MCTP1: variants seen among roughly 807,000 people sequenced by gnomAD.
The protein encoded by MCTP1 is multiple C2 and transmembrane domain containing 1, also known as multiple C2 and transmembrane domain-containing protein 1.
MCTP1 carries 69 observed loss-of-function variants against 120.6 expected under a neutral mutation model. The ratio of observed to expected loss-of-function variants is 0.57; its 90% CI spans 0.47 to 0.70. MCTP1 has a LOEUF of 0.70. Among genes scored for constraint, MCTP1 ranks in the 30% least tolerant of loss-of-function variants. The pLI is 0.00. For synonymous variants in MCTP1, 529 were observed against 493.1 expected (o/e 1.07, Z -0.96); for missense variants, 1,203 against 1,248.8 (o/e 0.96, Z 0.55).
chr5:94,870,818 C>T, intron 15 of MCTP1, 54 bp downstream of exon 15: 1 of 1,189,200 alleles, frequency 8.4e-7, no homozygotes, highest in Non-Finnish European at 1.2e-6. Flanking sequence ...GGAACAAAAG[C>T]TTTCATGAAA....
chr5:95,118,012 G>C (rs1411668459), intron 1 of MCTP1, among the ~76,000 whole-genome samples: 1 of 152,154 alleles, frequency 6.6e-6, no homozygotes, highest in African/African-American at 2.4e-5. Flanking sequence ...ACATATGGGG[G>C]CCTGTCAAGG....
At chr5:94,853,569 C>T (rs1007695780) in intron 17 of MCTP1, among the ~76,000 whole-genome samples, 1 of 151,840 alleles carries the variant, frequency 6.6e-6, no homozygotes, top group Non-Finnish European at 1.5e-5. Context: ...GCTCAGAAAA[C>T]CCTTCTGACA....
At chr5:94,974,233 T>C (rs1319513135) in intron 2 of MCTP1, among the ~76,000 whole-genome samples, 1 of 152,194 alleles carries the variant, frequency 6.6e-6, no homozygotes, top group Non-Finnish European at 1.5e-5. Flanking sequence ...ACTAATTATC[T>C]ATTTTTCCTA....
chr5:94,755,486 G>A (rs1176532965), intron 19 of MCTP1, among the ~76,000 whole-genome samples: 1 of 152,154 alleles, frequency 6.6e-6, no homozygotes, highest in Admixed American at 6.5e-5. Context: ...TTTGCCTTCT[G>A]CGTTCTGCTC....
chr5:94,837,628 T>A (rs1372887604), intron 17 of MCTP1, among the ~76,000 whole-genome samples: 1 of 152,186 alleles, frequency 6.6e-6, no homozygotes, highest in African/African-American at 2.4e-5. Context: ...CAACTTAGGT[T>A]AAAAGAGTTG....
chr5:95,140,061 T>C (rs1267464137), intron 1 of MCTP1, among the ~76,000 whole-genome samples: 1 of 152,230 alleles, frequency 6.6e-6, no homozygotes, highest in Non-Finnish European at 1.5e-5. Context: ...CAGCTTGACC[T>C]CTACCTTCCA....
Position 94,948,784 on chromosome 5 carries a change from A to G in MCTP1, c.981+4435T>C, listed in dbSNP as rs149887576. ...TCAGGTCTGATTCAGGTCAAGTGAA[A>G]CTTGGACCTCTAGATTCTTTAAACC... On this transcript the variant is annotated intron_variant, in intron 3 of 22. Coordinates refer to ENST00000515393, the MANE Select transcript of MCTP1 (RefSeq NM_024717.7). Among the ~76,000 whole-genome samples the G allele has an allele frequency of 1.6e-4, 24 of 152,264 alleles. No homozygotes were observed. In the Middle Eastern group the frequency reaches 0.01, roughly 65 times the overall value.
chr5:94,837,152 A>C (rs1453632512), intron 17 of MCTP1, among the ~76,000 whole-genome samples: 2 of 152,134 alleles, frequency 1.3e-5, no homozygotes, highest in Non-Finnish European at 2.9e-5. Context: ...CCAAGGTGGG[A>C]GGATCACTTG....
At chr5:95,099,500 C>T (rs1756544748) in intron 1 of MCTP1, among the ~76,000 whole-genome samples, 1 of 152,056 alleles carries the variant, frequency 6.6e-6, no homozygotes, top group Non-Finnish European at 1.5e-5. Context: ...GATATTTATG[C>T]AGCCAAAAAA....
At chr5:95,123,605 T>C (rs891102666) in intron 1 of MCTP1, among the ~76,000 whole-genome samples, 1 of 152,106 alleles carries the variant, frequency 6.6e-6, no homozygotes, top group African/African-American at 2.4e-5. Flanking sequence ...GCACAAGATA[T>C]ATACTTTGGG....
At chr5:94,779,257 C>T in intron 18 of MCTP1, 94 bp from the exon 19 acceptor site, 1 of 997,514 alleles carries the variant, frequency 1.0e-6, no homozygotes, top group Admixed American at 1.7e-5. Context: ...ACTTTATTAA[C>T]ATTTGAAACA....
At chr5:95,014,257 C>T (rs893591052) in intron 2 of MCTP1, among the ~76,000 whole-genome samples, 1 of 68,352 alleles carries the variant, frequency 1.5e-5, no homozygotes, top group African/African-American at 3.5e-5. Flanking sequence ...TACCATGTCT[C>T]TAAAACAACA....
rs530030726 is a variant in MCTP1, at chr5:94,883,030, C to T, written c.1933+5849G>A. Among the ~76,000 whole-genome samples the T allele has an allele frequency of 3.3e-5, 5 of 152,154 alleles. No individual in the cohort carries two copies. In the South Asian group the frequency reaches 1.0e-3, roughly 32 times the overall value. ...CACTTTTCCTATAATTAGAATTTGG[C>T]TAGGTTTTAAAAATGCAATTACTAA... On this transcript the variant is annotated intron_variant, in intron 12 of 22. Transcript: ENST00000515393.
At chr5:95,101,492 C>T (rs1447226824) in intron 1 of MCTP1, among the ~76,000 whole-genome samples, 3 of 152,190 alleles carry the variant, frequency 2.0e-5, no homozygotes, top group Non-Finnish European at 4.4e-5. Flanking sequence ...TAGTTGGTGC[C>T]ATCAACCTAA....
chr5:95,233,738 C>T (rs1755225861), intron 1 of MCTP1, among the ~76,000 whole-genome samples: 1 of 152,138 alleles, frequency 6.6e-6, no homozygotes, highest in Non-Finnish European at 1.5e-5. Context: ...AGGGATGCCA[C>T]TCAAGTAGTG....
intron 3 of MCTP1, among the ~76,000 whole-genome samples, chr5:94,947,605 G>GAGAC (rs1819423479): frequency 8.8e-6 from 1 of 113,768 alleles, no homozygotes. Flanking sequence ...GAGAGAGAGA[G>GAGAC]AGAGAGAGAG....
At chr5:95,089,338 A>G (rs1421287526) in intron 1 of MCTP1, among the ~76,000 whole-genome samples, 1 of 152,206 alleles carries the variant, frequency 6.6e-6, no homozygotes, top group African/African-American at 2.4e-5. Flanking sequence ...GTTTAATTTG[A>G]AAGTCATTTT....
At chr5:94,795,179 A>G (rs551548093) in intron 18 of MCTP1, among the ~76,000 whole-genome samples, 1 of 145,098 alleles carries the variant, frequency 6.9e-6, no homozygotes, top group South Asian at 2.2e-4. Context: ...TCTTTTCTCA[A>G]GGAAGAGCTC....
chr5:95,000,732 A>T (rs1833515427), intron 2 of MCTP1, among the ~76,000 whole-genome samples: 1 of 152,212 alleles, frequency 6.6e-6, no homozygotes, highest in South Asian at 2.1e-4. Context: ...AAAAGATTAC[A>T]ATGAGCAAAG....
Sources: allele counts gnomAD v4.1 joint callset (sites outside exome capture counted in the v4.1 genomes callset), GRCh38; gene constraint gnomAD v4.1.1; transcripts MANE v1.5; gene names NCBI Gene and HGNC (gene_info 2026-07-23, HGNC 2026-07-21).